B4GALNT4: variants seen among roughly 807,000 people sequenced by gnomAD.
B4GALNT4 encodes the protein N-acetyl-beta-glucosaminyl-glycoprotein 4-beta-N-acetylgalactosaminyltransferase 1.
A neutral mutation model predicts 110.0 loss-of-function variants in B4GALNT4; 77 were observed. That is an observed-to-expected ratio of 0.70 (90% CI 0.58 to 0.85). The LOEUF is 0.85. Among genes scored for constraint, B4GALNT4 ranks in the 40% least tolerant of loss-of-function variants. The probability of loss-of-function intolerance (pLI) is 0.00; values close to 1 mark genes in which losing one functional copy is unlikely to be tolerated. For synonymous variants in B4GALNT4, 785 were observed against 655.5 expected, an observed-to-expected ratio of 1.20 and a Z score of -3.02; for missense variants, 1,575 against 1,506.0, an observed-to-expected ratio of 1.05 and a Z score of -0.76.
At position 380,453 on chromosome 11, in the gene B4GALNT4, C is replaced by G; in HGVS notation, c.2869+8C>G. 1 of 1,582,496 alleles carries G rather than the reference C, an allele frequency of 6.3e-7. No homozygotes were observed. The highest frequency in any genetic ancestry group is 8.6e-7 in the Non-Finnish European group (1 of 1,167,050). The stretch of plus-strand genomic sequence containing the variant: ...CGCCCCGGGACCCCCACGGTGAGGC[C>G]CCGAGCGTCCCACCCTGTGATACCA... On this transcript the variant is annotated splice_region_variant and intron_variant, in intron 18 of 19. Transcript: ENST00000329962.
chr11:380,594 G>C (rs1415457214), intron 18 of B4GALNT4, 149 bp downstream of exon 18: 2 of 1,295,566 alleles, frequency 1.5e-6, no homozygotes, highest in East Asian at 2.5e-5. Context: ...CAGTCCCCCC[G>C]CACCAGCACA....
At position 375,535 on chromosome 11, in the gene B4GALNT4, C is replaced by T. The variant is rs117222258; in HGVS notation, c.850+8C>T. The T allele has an allele frequency of 1.2e-6, 2 of 1,609,766 alleles. No homozygotes were observed. The highest frequency in any genetic ancestry group is 1.7e-6 in the Non-Finnish European group (2 of 1,179,742). ...ACATCTCCCTGTACACAGGTGCGAG[C>T]GGACGCCTCTGGGGATGTGGGGCTC... On this transcript the variant is annotated splice_region_variant and intron_variant, in intron 9 of 19. Coordinates refer to ENST00000329962, the MANE Select transcript of B4GALNT4 (RefSeq NM_178537.5).
At chr11:381,597 G>A (rs1265848270) in intron 19 of B4GALNT4, 72 bp from the exon 20 acceptor site, 7 of 1,310,118 alleles carry the variant, frequency 5.3e-6, no homozygotes, top group African/African-American at 1.6e-5. Flanking sequence ...CTCCGCCCCC[G>A]GCCCCGGGGT....
rs528289188 is a variant in B4GALNT4 at position 380,623 on chromosome 11, G to T, written c.2869+178G>T. 42 of 1,268,104 alleles carry T rather than the reference G, an allele frequency of 3.3e-5. No homozygotes were observed. The African/African-American group carries it at 5.5e-4, about 17-fold the overall frequency. The allele number at this position is 1,268,104 out of a possible 1,614,324, so 78.6% of individuals were successfully genotyped here. ...CAGCACACCCAGGGCCATGCCAGGG[G>T]CCCCAGGAACCTCCTCCAGTATCCC... On this transcript the variant is annotated intron_variant, in intron 18 of 19. Transcript: ENST00000329962.
chr11:378,169 C>T lies in B4GALNT4; in HGVS notation c.2204+842C>T, dbSNP rs142896734. On this transcript the variant is annotated intron_variant, in intron 14 of 19. Transcript: ENST00000329962. ...GTTGCGAGCAGAGCAAAGGCAGGGG[C>T]AGAGGATGGAGGCACAGCTGCATGT... Among the ~76,000 whole-genome samples, 340 of 152,230 alleles carry T rather than the reference C, an allele frequency of 2.2e-3. 2 individuals are homozygous for T. The highest frequency in any genetic ancestry group is 0.01 in the Middle Eastern group (3 of 294).
Position 379,884 on chromosome 11 carries a change from G to A in B4GALNT4, c.2507G>A (p.Trp836Ter), listed in dbSNP as rs769560323. The change falls in exon 16 of 20, where the codon TGG (tryptophan) becomes TAG (stop). Residue 836 changes from tryptophan (W) to a stop codon, truncating the protein, a stop_gained. Coordinates refer to ENST00000329962, the MANE Select transcript of B4GALNT4 (RefSeq NM_178537.5). LOFTEE classifies it high-confidence loss of function. ...FIVPVKNQAR[W>*]VAQFLADMAA... ...CCTCCAGTGAAAAACCAGGCACGGT[G>A]GGTGGCACAGTTCCTGGCGGACATG... 6.2e-7 allele frequency: 1 copy of A among 1,603,926 alleles called. No individual in the cohort carries two copies. Among genetic ancestry groups the A allele is most frequent in the Non-Finnish European group, 8.5e-7 (1 of 1,176,104 alleles).
In B4GALNT4 at chr11:375,524, A is replaced by C. The variant is rs1159594220; in HGVS notation, c.847A>C (p.Thr283Pro). ...VISSAHISLY[T>P]DESALKMDHV... is the part of the protein sequence containing the mutation. Reference sequence around the variant, plus strand: ...CAGCTCTGCTCACATCTCCCTGTACACAGGTGCGAGCGGACGCCTCTGGGG... The same window carrying C: ...CAGCTCTGCTCACATCTCCCTGTACCCAGGTGCGAGCGGACGCCTCTGGGG... Residue 283 changes from threonine to proline, a missense_variant, in exon 9 of 20, where the codon ACA becomes CCA. Thr to Pro is a conservative substitution (Grantham distance 38). Transcript: ENST00000329962. The C allele has an allele frequency of 6.2e-7, 1 of 1,610,636 alleles. No homozygotes were observed. The highest frequency in any genetic ancestry group is 8.5e-7 in the Non-Finnish European group (1 of 1,179,732).
chr11:375,397 G>T, intron 8 of B4GALNT4, 64 bp from the exon 9 acceptor site: 1 of 1,555,668 alleles, frequency 6.4e-7, no homozygotes, highest in South Asian at 1.1e-5. Flanking sequence ...AGCCAGGGTA[G>T]ACCCTTTCTT....
At position 381,249 on chromosome 11, in the gene B4GALNT4, T is replaced by A. The variant is rs1315968681; in HGVS notation, c.2996+298T>A. ...ATCATCCCACTGGGGCCATGCAGGCTCGAGGCAGCCCTGACACCCCCAGCC... is the reference window on the plus strand; with the variant it reads ...ATCATCCCACTGGGGCCATGCAGGCACGAGGCAGCCCTGACACCCCCAGCC... On this transcript the variant is annotated intron_variant, in intron 19 of 19. Transcript: ENST00000329962. 4.6e-6 allele frequency: 3 copies of A among 645,174 alleles called. No individual in the cohort carries two copies. In the East Asian group the frequency reaches 4.1e-4, roughly 88 times the overall value. The allele number at this position is 645,174 out of a possible 1,614,324, so 40.0% of individuals were successfully genotyped here.
In B4GALNT4 at chr11:379,686, C is replaced by A. The variant is rs777420442; in HGVS notation, c.2473C>A (p.His825Asn). The A allele has an allele frequency of 1.3e-6, 2 of 1,502,152 alleles. No individual in the cohort carries two copies. The highest frequency in any genetic ancestry group is 4.7e-5 in the Admixed American group (2 of 42,854). The allele number at this position is 1,502,152 out of a possible 1,614,324, so 93.1% of individuals were successfully genotyped here. A position where few individuals can be genotyped will look rare whatever the true frequency, so the allele number is the denominator to read the frequency against. ...GGCCTGGCGCCAGGACGTGATGGTT[C>A]ACTTCATCGTGCCAGGTTCGCAGGG... ...RLAWRQDVMV[H>N]FIVPVKNQAR... The change falls in exon 15 of 20, where the codon CAC becomes AAC. Residue 825 changes from histidine (H) to asparagine (N), a missense_variant. Coordinates refer to ENST00000329962, the MANE Select transcript of B4GALNT4 (RefSeq NM_178537.5).
chr11:373,732 T>A lies in B4GALNT4; in HGVS notation c.705-18T>A. On this transcript the variant is annotated intron_variant, in intron 7 of 19. Coordinates refer to ENST00000329962, the MANE Select transcript of B4GALNT4 (RefSeq NM_178537.5). ...AGCGTCCTGTGCATGGCACGACCCT[T>A]GCTCCTCGTGTCCCCAGGCTCATGG... 1 of 1,611,492 alleles carries A rather than the reference T, an allele frequency of 6.2e-7. No homozygotes were observed. The highest frequency in any genetic ancestry group is 8.5e-7 in the Non-Finnish European group (1 of 1,179,300).
At chr11:370,157 G>A (rs1188106164) in intron 1 of B4GALNT4, among the ~76,000 whole-genome samples, 2 of 151,576 alleles carry the variant, frequency 1.3e-5, no homozygotes, top group Non-Finnish European at 2.9e-5. Context: ...GATTTGGGGG[G>A]AGGGGGCGCG....
In B4GALNT4 at chr11:375,706, G is replaced by C. The variant is rs1405132959; in HGVS notation, c.918G>C (p.Gly306=). ...AGTCTCCAGCCAGCCACGTGGGGGG[G>C]CGTCCGCCGCAGGAGGAGACCAGCG... The part of the protein sequence containing the change: ...VPQSPASHVG[G]RPPQEETSAD... Residue 306 remains glycine, a synonymous_variant, in exon 10 of 20, where the codon GGG becomes GGC. Transcript: ENST00000329962. 3.1e-6 allele frequency: 5 copies of C among 1,594,142 alleles called. No homozygotes were observed. The South Asian group carries it at 3.3e-5, about 11-fold the overall frequency.
intron 4 of B4GALNT4, 36 bp downstream of exon 4, chr11:372,983 G>T: frequency 6.2e-7 from 1 of 1,612,354 alleles, no homozygotes; most frequent in African/African-American, 1.3e-5. Context: ...GGGTGGGCAG[G>T]GCACGCAGGG....
In B4GALNT4 at chr11:375,492, A is replaced by C. The variant is rs781555658; in HGVS notation, c.815A>C (p.Glu272Ala). Residue 272 changes from glutamate (E) to alanine (A), a missense_variant, in exon 9 of 20, where the codon GAG becomes GCG. Transcript: ENST00000329962. ...WRAFLPGLKF[E>A]VISSAHISLY... ...GCTTTCCTGCCCGGCCTGAAGTTCG[A>C]GGTCATCAGCTCTGCTCACATCTCC... 1.2e-6 allele frequency: 2 copies of C among 1,611,580 alleles called. No homozygotes were observed. The highest frequency in any genetic ancestry group is 2.7e-5 in the African/African-American group (2 of 74,838).
chr11:380,783 G>A (rs1846860117), intron 18 of B4GALNT4, 42 bp from the exon 19 acceptor site: 1 of 1,613,476 alleles, frequency 6.2e-7, no homozygotes. Flanking sequence ...GACCTTGCAG[G>A]ACCTGGTCTG....
rs1846625991 is a variant in B4GALNT4 at position 372,019 on chromosome 11, G to A, written c.152-90G>A. 2.9e-6 allele frequency: 3 copies of A among 1,051,394 alleles called. No homozygotes were observed. The Admixed American group carries it at 6.5e-5, about 23-fold the overall frequency. The allele number at this position is 1,051,394 out of a possible 1,614,324, so 65.1% of individuals were successfully genotyped here. The stretch of plus-strand genomic sequence containing the variant: ...AGCCTGCCTGCCCTGCTCTGGCCAT[G>A]TGGGTCCCTGGCCCAGCTGAACCCA... On this transcript the variant is annotated intron_variant, in intron 1 of 19. Coordinates refer to ENST00000329962, the MANE Select transcript of B4GALNT4 (RefSeq NM_178537.5).
At chr11:375,320 C>T (rs111437836) in intron 8 of B4GALNT4, 141 bp from the exon 9 acceptor site, 14 of 880,764 alleles carry the variant, frequency 1.6e-5, no homozygotes, top group East Asian at 1.5e-4. Context: ...TGGAACGCCC[C>T]GGACCCCTCT....
rs766545479 is a variant in B4GALNT4 at position 376,182 on chromosome 11, C to T, written c.1196+8C>T. 5 of 1,076,758 alleles carry T rather than the reference C, an allele frequency of 4.6e-6. No individual in the cohort carries two copies. Among genetic ancestry groups the T allele is most frequent in the East Asian group, 5.1e-5 (1 of 19,768 alleles). 66.7% of individuals were successfully genotyped at this position (1,076,758 alleles called of 1,614,324 possible). ...TCCGCTGTATCTGGAGAGGTGGGCG[C>T]GCGGCCGGGCTAATGCGGGGCGGGG... On this transcript the variant is annotated splice_region_variant and intron_variant, in intron 12 of 19. Coordinates refer to ENST00000329962, the MANE Select transcript of B4GALNT4 (RefSeq NM_178537.5).
Sources: allele counts gnomAD v4.1 joint callset (sites outside exome capture counted in the v4.1 genomes callset), GRCh38; gene constraint gnomAD v4.1.1; transcripts MANE v1.5; gene names NCBI Gene and HGNC (gene_info 2026-07-23, HGNC 2026-07-21).